Variants in FBN2 observed in about 807,000 individuals in gnomAD.
FBN2 encodes the protein fibrillin-2.
In FBN2, 105 loss-of-function variants were observed where a neutral mutation model predicts 355.6. That is an observed-to-expected ratio of 0.30 (90% confidence interval 0.25 to 0.35). The LOEUF (loss-of-function observed/expected upper bound fraction) is 0.35. FBN2 is among the 10% of genes least tolerant of loss of function. The pLI, the probability that FBN2 is intolerant of heterozygous loss-of-function variation, is 1.00. For synonymous variants in FBN2, 1,350 were observed against 1,301.2 expected (o/e 1.04, Z -0.81); for missense variants, 3,280 against 3,758.7 (o/e 0.87, Z 3.33).
intron 27 of FBN2, 76 bp downstream of exon 27, chr5:128,337,921 A>C (rs1280599565): frequency 6.6e-7 from 1 of 1,525,110 alleles, no homozygotes; most frequent in Non-Finnish European, 9.1e-7. Context: ...TCCTCAAACA[A>C]CAGGTTTGTC....
At position 128,392,140 on chromosome 5, in the gene FBN2, G is replaced by A. The variant is rs1752532671; in HGVS notation, c.1481C>T (p.Thr494Ile). 6.2e-7 allele frequency: 1 copy of A among 1,613,344 alleles called. No individual in the cohort carries two copies. Among genetic ancestry groups the A allele is most frequent in the African/African-American group, 1.3e-5 (1 of 74,988 alleles). ...IITGLTILNQTIDICKHHANL... is the reference protein window; with the variant it reads ...IITGLTILNQIIDICKHHANL... Reference sequence around the variant, plus strand: ...AGCATGATGCTTACAGATATCTATTGTCTGGTTCAGAATTGCTACGGAAAA... The same window carrying A: ...AGCATGATGCTTACAGATATCTATTATCTGGTTCAGAATTGCTACGGAAAA... Residue 494 changes from threonine to isoleucine, a missense_variant, in exon 11 of 65, where the codon ACA (threonine) becomes ATA (isoleucine). Physicochemically the swap from Thr to Ile is moderately conservative, Grantham distance 89. Transcript: ENST00000262464.
intron 19 of FBN2, among the ~76,000 whole-genome samples, chr5:128,359,195 C>T (rs6867183): frequency 0.079 from 11,941 of 151,968 alleles, 522 homozygotes; most frequent in Non-Finnish European, 0.096. Context: ...ATTATTAGTG[C>T]TATTTGTTAT....
At chr5:128,290,708 G>T in intron 50 of FBN2, 24 bp downstream of exon 50, 1 of 1,612,696 alleles carries the variant, frequency 6.2e-7, no homozygotes, top group Non-Finnish European at 8.5e-7. Context: ...ACAAAGTGCT[G>T]TCTGATGATG....
chr5:128,441,640 G>T (rs1753923366), intron 7 of FBN2, among the ~76,000 whole-genome samples: 1 of 152,042 alleles, frequency 6.6e-6, no homozygotes, highest in South Asian at 2.1e-4. Flanking sequence ...ATTTTATTTT[G>T]GTACATATAT....
intron 15 of FBN2, among the ~76,000 whole-genome samples, chr5:128,373,098 G>C (rs749277582): frequency 6.6e-6 from 1 of 152,104 alleles, no homozygotes; most frequent in Non-Finnish European, 1.5e-5. Context: ...ACTGAAGGAG[G>C]CTTTCTGAAA....
Position 128,506,533 on chromosome 5 carries a change from T to C in FBN2, c.628+12740A>G, listed in dbSNP as rs557216412. 5.3e-5 allele frequency among the ~76,000 whole-genome samples: 8 copies of C among 152,274 alleles called. No homozygotes were observed. In the South Asian group the frequency reaches 1.7e-3, roughly 32 times the overall value. On this transcript the variant is annotated intron_variant, in intron 5 of 64. Transcript: ENST00000262464. ...CCTGCAGCCTTGCTGAACTTACTTA[T>C]GAGCTCCAGTAGATTTTTGTAAAGT... is the stretch of plus-strand genomic sequence containing the variant.
rs369182186 is a variant in FBN2 at position 128,393,023 on chromosome 5, A to G, written c.1465+112T>C. 5.0e-5 allele frequency: 43 copies of G among 867,948 alleles called. 1 individual carries two copies. In the African/African-American group the frequency reaches 5.6e-4, roughly 11 times the overall value. The allele number at this position is 867,948 out of a possible 1,614,324, so 53.8% of individuals were successfully genotyped here. On this transcript the variant is annotated intron_variant, in intron 10 of 64. Coordinates refer to ENST00000262464, the MANE Select transcript of FBN2 (RefSeq NM_001999.4). The stretch of plus-strand genomic sequence containing the variant: ...CTCTCGCACCCACAAACACACACAC[A>G]CATGTGCAAGTGTGTTCATACAACC...
intron 5 of FBN2, among the ~76,000 whole-genome samples, chr5:128,472,786 C>T (rs1363443063): frequency 1.0e-4 from 14 of 140,502 alleles, no homozygotes; most frequent in Non-Finnish European, 1.5e-4. Flanking sequence ...AGCAAAACTC[C>T]GTCTCAGAAA....
At chr5:128,416,777 C>A (rs1753212079) in intron 7 of FBN2, among the ~76,000 whole-genome samples, 1 of 152,096 alleles carries the variant, frequency 6.6e-6, no homozygotes, top group South Asian at 2.1e-4. Context: ...ATGCAAGTAT[C>A]ATGCTGTTTT....
chr5:128,285,845 A>G (rs1390861742), intron 55 of FBN2, among the ~76,000 whole-genome samples: 1 of 152,246 alleles, frequency 6.6e-6, no homozygotes, highest in Non-Finnish European at 1.5e-5. Flanking sequence ...AGAAATTTCC[A>G]TGCATAAAAA....
At chr5:128,278,516 G>T in intron 57 of FBN2, 119 bp downstream of exon 57, 2 of 817,038 alleles carry the variant, frequency 2.4e-6, no homozygotes, top group East Asian at 2.6e-5. Flanking sequence ...TAAATATCAA[G>T]GTATAAACAT....
chr5:128,294,682 GTTGT>G (rs1174802790), intron 48 of FBN2, among the ~76,000 whole-genome samples: 57 of 148,768 alleles, frequency 3.8e-4, no homozygotes, highest in African/African-American at 1.4e-3. Flanking sequence ...TTTTGATGGG[GTTGT>G]TTGTTTTTTT....
chr5:128,386,470 C>T (rs763758456), intron 11 of FBN2, among the ~76,000 whole-genome samples: 7 of 151,822 alleles, frequency 4.6e-5, no homozygotes, highest in Non-Finnish European at 8.8e-5. Flanking sequence ...CCTCTAGCTT[C>T]GTTCTTTTTG....
At chr5:128,295,311 T>C (rs1298766362) in intron 48 of FBN2, among the ~76,000 whole-genome samples, 4 of 152,074 alleles carry the variant, frequency 2.6e-5, no homozygotes, top group African/African-American at 9.7e-5. Context: ...ATTGCCTTGG[T>C]GATGCGGGCT....
Position 128,393,218 on chromosome 5 carries a change from A to T in FBN2, c.1382T>A (p.Ile461Asn), listed in dbSNP as rs1752566025. Residue 461 changes from isoleucine to asparagine, a missense_variant, in exon 10 of 65, where the codon ATC (isoleucine) becomes AAC (asparagine). Ile to Asn is a moderately radical substitution (Grantham distance 149, BLOSUM62 -3). Around this residue, in one of 6 missense-constraint regions of FBN2, gnomAD observed 343 missense variants for 331.0 expected, o/e 1.04. Coordinates refer to ENST00000262464, the MANE Select transcript of FBN2 (RefSeq NM_001999.4). ...AGGAGAAAAGCCATTGCCTCCAGGG[A>T]TGGGGATGAAGCCTGTCCCTCCTGG... ...YGPGGTGFIP[I>N]PGGNGFSPGV... 2 of 1,614,172 alleles carry T rather than the reference A, an allele frequency of 1.2e-6. No homozygotes were observed. Among genetic ancestry groups the T allele is most frequent in the Non-Finnish European group, 1.7e-6 (2 of 1,180,016 alleles).
intron 56 of FBN2, among the ~76,000 whole-genome samples, chr5:128,279,230 G>A (rs1429847353): frequency 2.0e-5 from 3 of 151,996 alleles, no homozygotes; most frequent in South Asian, 2.1e-4. Context: ...TTATGAGCTT[G>A]GTACTTATTC....
chr5:128,327,786 G>A (rs1226720555), intron 34 of FBN2, among the ~76,000 whole-genome samples: 1 of 152,034 alleles, frequency 6.6e-6, no homozygotes, highest in African/African-American at 2.4e-5. Context: ...TTACAGGCAT[G>A]AGCCACCATA....
intron 5 of FBN2, among the ~76,000 whole-genome samples, chr5:128,491,306 A>G (rs561746731): frequency 6.6e-6 from 1 of 152,352 alleles, no homozygotes; most frequent in Admixed American, 6.5e-5. Context: ...TTCATCAGAC[A>G]ACTTTTCTGT....
chr5:128,514,783 A>G (rs1159319571), intron 5 of FBN2, among the ~76,000 whole-genome samples: 1 of 152,220 alleles, frequency 6.6e-6, no homozygotes, highest in Admixed American at 6.5e-5. Flanking sequence ...ATGAGTAATT[A>G]GATTCTCGTC....
Sources: allele counts gnomAD v4.1 joint callset (sites outside exome capture counted in the v4.1 genomes callset), GRCh38; gene constraint gnomAD v4.1.1; regional missense constraint gnomAD v4.1.1; transcripts MANE v1.5; gene names NCBI Gene and HGNC (gene_info 2026-07-23, HGNC 2026-07-21).